The following TTC23 variants were observed in gnomAD, a reference collection of about 807,000 sequenced individuals.
TTC23 encodes the protein tetratricopeptide repeat protein 23.
TTC23 carries 58 observed loss-of-function variants against 55.1 expected under a neutral mutation model. That is an observed-to-expected ratio of 1.05 (90% confidence interval 0.85 to 1.31). The LOEUF (loss-of-function observed/expected upper bound fraction) is 1.31, where lower values mean the gene tolerates loss of function less well. Among genes scored for constraint, TTC23 ranks in the 50% most tolerant of loss-of-function variants. TTC23 has a pLI of 0.00. For missense variants in TTC23, 516 were observed against 534.4 expected (o/e 0.97, Z 0.34); for synonymous variants, 203 against 199.9 (o/e 1.02, Z -0.13).
At chr15:99,219,623 A>T (rs1384016846) in intron 6 of TTC23, among the ~76,000 whole-genome samples, 3 of 152,308 alleles carry the variant, frequency 2.0e-5, no homozygotes, top group Non-Finnish European at 4.4e-5. Context: ...AATATGAAAC[A>T]AAGTGGAGCA....
At chr15:99,147,815 G>A (rs1382202150) in intron 12 of TTC23, among the ~76,000 whole-genome samples, 3 of 152,176 alleles carry the variant, frequency 2.0e-5, no homozygotes, top group Non-Finnish European at 4.4e-5. Context: ...ACAATGTGGC[G>A]TGGCGTGGTG....
chr15:99,196,156 A>G (rs946342080), intron 9 of TTC23, among the ~76,000 whole-genome samples: 1 of 151,948 alleles, frequency 6.6e-6, no homozygotes, highest in East Asian at 1.9e-4. Context: ...TGTCTCAAAA[A>G]AAAAAAAAAA....
At chr15:99,190,966 G>A (rs576402860) in intron 9 of TTC23, among the ~76,000 whole-genome samples, 1 of 151,434 alleles carries the variant, frequency 6.6e-6, no homozygotes, top group African/African-American at 2.4e-5. Context: ...ATTTTTTTTT[G>A]TAGAGACAAG....
intron 12 of TTC23, among the ~76,000 whole-genome samples, chr15:99,141,576 G>A (rs782183939): frequency 2.6e-5 from 4 of 151,980 alleles, no homozygotes; most frequent in Non-Finnish European, 5.9e-5. Context: ...TTTAAAAATC[G>A]GATGAATTGT....
At chr15:99,185,687 A>G (rs1596484660) in intron 9 of TTC23, among the ~76,000 whole-genome samples, 2 of 152,198 alleles carry the variant, frequency 1.3e-5, no homozygotes. Context: ...TCTTTTGGAT[A>G]GGAAAATAAG....
chr15:99,194,552 C>CAAAAAAAA (rs760038465), intron 9 of TTC23, among the ~76,000 whole-genome samples: 2 of 40,454 alleles, frequency 4.9e-5, no homozygotes, highest in Non-Finnish European at 1.0e-4. Context: ...ACATCACGTG[C>CAAAAAAAA]AAAAAAAAAA....
Position 99,175,622 on chromosome 15 carries a change from G to A in TTC23, c.760-467C>T, listed in dbSNP as rs2073462656. Among the ~76,000 whole-genome samples the A allele has an allele frequency of 2.0e-5, 3 of 152,196 alleles. No individual in the cohort carries two copies. In the South Asian group the frequency reaches 6.2e-4, roughly 31 times the overall value. Reference sequence around the variant, plus strand: ...TGTGCCTGTGCCACCAAGCCCATTTGCCTGCACCCTCTACAAACTTGCTCA... The same window carrying A: ...TGTGCCTGTGCCACCAAGCCCATTTACCTGCACCCTCTACAAACTTGCTCA... On this transcript the variant is annotated intron_variant, in intron 9 of 13. Transcript: ENST00000394132.
At chr15:99,154,279 C>G (rs1336680372) in intron 12 of TTC23, among the ~76,000 whole-genome samples, 1 of 152,114 alleles carries the variant, frequency 6.6e-6, no homozygotes, top group Admixed American at 6.5e-5. Flanking sequence ...AATATTGGCA[C>G]AAAAATCCTA....
intron 9 of TTC23, among the ~76,000 whole-genome samples, chr15:99,188,669 G>A (rs1950280895): frequency 6.6e-6 from 1 of 151,878 alleles, no homozygotes; most frequent in Non-Finnish European, 1.5e-5. Flanking sequence ...AAAGACAATT[G>A]ACAAAAAATA....
At chr15:99,148,294 G>A (rs1182655190) in intron 12 of TTC23, among the ~76,000 whole-genome samples, 1 of 139,624 alleles carries the variant, frequency 7.2e-6, no homozygotes, top group Non-Finnish European at 1.5e-5. Context: ...CCGGGAGGTG[G>A]AGGTTGCAGT....
intron 12 of TTC23, among the ~76,000 whole-genome samples, chr15:99,147,289 G>C (rs537078899): frequency 2.9e-5 from 4 of 139,626 alleles, no homozygotes; most frequent in East Asian, 4.3e-4. Flanking sequence ...GCAGCGGCGC[G>C]ATCTCAGCTC....
chr15:99,208,035 G>C (rs937348420), intron 8 of TTC23, among the ~76,000 whole-genome samples: 1 of 152,042 alleles, frequency 6.6e-6, no homozygotes, highest in African/African-American at 2.4e-5. Flanking sequence ...GTTTACAGTA[G>C]TAAAAAATTG....
chr15:99,226,792 C>T (rs878861683), intron 5 of TTC23, among the ~76,000 whole-genome samples: 3 of 152,306 alleles, frequency 2.0e-5, no homozygotes, highest in Admixed American at 6.5e-5. Context: ...TTCCTGGAGG[C>T]CCTCCCTGAT....
chr15:99,244,972 CTA>C (rs1314140380), intron 2 of TTC23, among the ~76,000 whole-genome samples: 3 of 152,038 alleles, frequency 2.0e-5, no homozygotes, highest in Non-Finnish European at 4.4e-5. Flanking sequence ...AGCATGGTAA[CTA>C]TAGAAAATAA....
intron 9 of TTC23, among the ~76,000 whole-genome samples, chr15:99,185,364 A>T (rs117579090): frequency 0.04 from 6,019 of 152,296 alleles, 166 homozygotes; most frequent in Non-Finnish European, 0.061. Context: ...GGGAGCACTG[A>T]GCAGCCATCA....
rs201539811 is a variant in TTC23, at chr15:99,189,520, G to A, written c.759+10399C>T. ...AGAAACTGTACACCACCAAGAATGG[G>A]TGATAAAAATTAGTATCACCAGAAA... On this transcript the variant is annotated intron_variant, in intron 9 of 13. Coordinates refer to ENST00000394132, the MANE Select transcript of TTC23 (RefSeq NM_001288615.3). Among the ~76,000 whole-genome samples the A allele has an allele frequency of 2.6e-5, 4 of 152,152 alleles. No homozygotes were observed. In the East Asian group the frequency reaches 7.7e-4, roughly 29 times the overall value.
chr15:99,238,136 T>A (rs1314586170), intron 3 of TTC23, among the ~76,000 whole-genome samples: 5 of 152,030 alleles, frequency 3.3e-5, no homozygotes, highest in African/African-American at 1.2e-4. Context: ...TGGCTAATTT[T>A]TTTTTTTCTT....
At chr15:99,226,367 A>G (rs577125422) in intron 5 of TTC23, among the ~76,000 whole-genome samples, 1 of 152,362 alleles carries the variant, frequency 6.6e-6, no homozygotes, top group African/African-American at 2.4e-5. Context: ...TAATATCTAT[A>G]ACTTACTCTC....
At chr15:99,204,865 T>TG (rs1203315455) in intron 8 of TTC23, among the ~76,000 whole-genome samples, 2 of 152,048 alleles carry the variant, frequency 1.3e-5, no homozygotes, top group African/African-American at 4.8e-5. Context: ...TGAACTCCTG[T>TG]GCTCAAGCAA....
Sources: allele counts gnomAD v4.1 joint callset (sites outside exome capture counted in the v4.1 genomes callset), GRCh38; gene constraint gnomAD v4.1.1; transcripts MANE v1.5; gene names NCBI Gene and HGNC (gene_info 2026-07-23, HGNC 2026-07-21).